The following ZBBX variants were observed in gnomAD, a reference collection of about 807,000 sequenced individuals.
ZBBX encodes the protein zinc finger B-box domain-containing protein 1.
Under a neutral mutation model 108.5 loss-of-function variants are expected in ZBBX, and 101 were observed. That is an observed-to-expected ratio of 0.93 (90% CI 0.79 to 1.10). The LOEUF is 1.10. Among genes scored for constraint, ZBBX ranks in the 50% least tolerant of loss-of-function variants. The pLI, the probability that ZBBX is intolerant of heterozygous loss-of-function variation, is 0.00. For missense variants in ZBBX, 1,009 were observed against 941.4 expected (o/e 1.07, Z -0.94); for synonymous variants, 356 against 323.4 (o/e 1.10, Z -1.08).
At chr3:167,181,058 A>G in the ZBBX span, among the ~76,000 whole-genome samples, 1 of 152,160 alleles carries the variant, frequency 6.6e-6, no homozygotes, top group Non-Finnish European at 1.5e-5. Context: ...CTATTGTTCT[A>G]TCCAAATTGG....
the ZBBX span, among the ~76,000 whole-genome samples, chr3:167,191,896 C>CATATATATATATATAT: frequency 7.7e-3 from 522 of 67,788 alleles, 30 homozygotes; most frequent in East Asian, 0.014. Context: ...TTACAAAAAT[C>CATATATATATATATAT]ATATATATAT....
chr3:167,184,177 T>G, the ZBBX span, among the ~76,000 whole-genome samples: 1 of 152,242 alleles, frequency 6.6e-6, no homozygotes, highest in Non-Finnish European at 1.5e-5. Context: ...AACTTTCATT[T>G]ATGCATATGT....
At chr3:167,272,361 G>C (rs907127882) in intron 20 of ZBBX, among the ~76,000 whole-genome samples, 3 of 152,116 alleles carry the variant, frequency 2.0e-5, no homozygotes, top group African/African-American at 7.2e-5. Flanking sequence ...TAGAGTTCCT[G>C]GTCCATTAGC....
At chr3:167,278,174 A>C (rs1728037896) in intron 20 of ZBBX, among the ~76,000 whole-genome samples, 1 of 125,918 alleles carries the variant, frequency 7.9e-6, no homozygotes. Flanking sequence ...ACACCCTAAC[A>C]TCACAATTAA....
chr3:167,223,034 A>G, the ZBBX span, among the ~76,000 whole-genome samples: 1 of 152,002 alleles, frequency 6.6e-6, no homozygotes, highest in Non-Finnish European at 1.5e-5. Context: ...ATGTCACGTA[A>G]TATCATATGT....
At position 167,304,571 on chromosome 3, in the gene ZBBX, G is replaced by A. The variant is rs866603440; in HGVS notation, c.1725+1072C>T. Among the ~76,000 whole-genome samples the A allele has an allele frequency of 2.6e-5, 4 of 152,114 alleles. No individual in the cohort carries two copies. The South Asian group carries it at 6.2e-4, about 24-fold the overall frequency. ...GATACATCAGGATATTAATAGGCAC[G>A]GATTAACAATAATGTTAATGTCTTG... On this transcript the variant is annotated intron_variant, in intron 17 of 21. Coordinates refer to ENST00000675490, the MANE Select transcript of ZBBX (RefSeq NM_001199201.2).
At chr3:167,279,247 G>A (rs1264607083) in intron 20 of ZBBX, among the ~76,000 whole-genome samples, 3 of 152,116 alleles carry the variant, frequency 2.0e-5, no homozygotes, top group Non-Finnish European at 4.4e-5. Flanking sequence ...TCCTGGCCAG[G>A]GCAATTAGGC....
the ZBBX span, among the ~76,000 whole-genome samples, chr3:167,186,978 T>C: frequency 2.0e-5 from 3 of 152,192 alleles, no homozygotes; most frequent in Non-Finnish European, 4.4e-5. Flanking sequence ...AAGCATCACC[T>C]GCAATAGGAA....
chr3:167,318,042 G>C (rs570799788), intron 12 of ZBBX, among the ~76,000 whole-genome samples: 1 of 151,956 alleles, frequency 6.6e-6, no homozygotes, highest in South Asian at 2.1e-4. Flanking sequence ...TGGTAACATA[G>C]GCTCCTACAA....
chr3:167,289,743 G>A (rs1274723695), intron 18 of ZBBX, among the ~76,000 whole-genome samples: 1 of 152,176 alleles, frequency 6.6e-6, no homozygotes, highest in African/African-American at 2.4e-5. Flanking sequence ...GAACATGAGT[G>A]AGACAGAAGC....
the ZBBX span, among the ~76,000 whole-genome samples, chr3:167,211,174 C>T: frequency 6.6e-6 from 1 of 152,152 alleles, no homozygotes; most frequent in Non-Finnish European, 1.5e-5. Flanking sequence ...CTTTCCCAGC[C>T]CAGGAAAGTG....
rs570794702 is a variant in ZBBX, at chr3:167,317,262, T to C, written c.1094-157A>G. On this transcript the variant is annotated intron_variant, in intron 13 of 21. Coordinates refer to ENST00000675490, the MANE Select transcript of ZBBX (RefSeq NM_001199201.2). ...TTTCCCAGTTCAAGTGAAATACACA[T>C]TTATTAGCATTCAATTTTTAAATGA... 1.1e-4 allele frequency among the ~76,000 whole-genome samples: 16 copies of C among 152,180 alleles called. No individual in the cohort carries two copies. In the East Asian group the frequency reaches 3.1e-3, roughly 29 times the overall value.
the ZBBX span, among the ~76,000 whole-genome samples, chr3:167,233,813 G>C: frequency 2.4e-4 from 36 of 150,084 alleles, no homozygotes; most frequent in Non-Finnish European, 2.9e-5. Flanking sequence ...TGGTTTTATA[G>C]CAAAAGGATG....
At chr3:167,331,328 T>G (rs1202316590) in intron 10 of ZBBX, among the ~76,000 whole-genome samples, 1 of 152,148 alleles carries the variant, frequency 6.6e-6, no homozygotes, top group Non-Finnish European at 1.5e-5. Context: ...AAATTTAGTT[T>G]AAAGATAGAG....
chr3:167,298,166 A>G (rs761608692), intron 18 of ZBBX, 139 bp downstream of exon 18: 15 of 563,968 alleles, frequency 2.7e-5, no homozygotes, highest in Non-Finnish European at 3.6e-5. Context: ...GTAACCTTAA[A>G]TGTAAATATA....
chr3:167,214,029 G>T, the ZBBX span, among the ~76,000 whole-genome samples: 5 of 152,112 alleles, frequency 3.3e-5, 1 homozygote, highest in Admixed American at 1.3e-4. Flanking sequence ...AAGAGATCTT[G>T]AAAGAAGCAC....
At chr3:167,246,741 C>A (rs1721634489) in intron 20 of ZBBX, among the ~76,000 whole-genome samples, 1 of 152,192 alleles carries the variant, frequency 6.6e-6, no homozygotes, top group Non-Finnish European at 1.5e-5. Context: ...CTTCAGGCTA[C>A]AGCAACATCC....
At chr3:167,301,223 G>A (rs1732615344) in intron 17 of ZBBX, among the ~76,000 whole-genome samples, 1 of 152,152 alleles carries the variant, frequency 6.6e-6, no homozygotes. Flanking sequence ...TATAAAAGAA[G>A]GAAAGGAACC....
At chr3:167,346,947 CAG>C (rs1362336475) in intron 9 of ZBBX, among the ~76,000 whole-genome samples, 2 of 151,818 alleles carry the variant, frequency 1.3e-5, no homozygotes, top group African/African-American at 4.8e-5. Flanking sequence ...GAAATGATGA[CAG>C]AGAATGGGCA....
Sources: gnomAD v4.1 joint callset for allele counts (sites outside exome capture counted in the v4.1 genomes callset) on GRCh38, gnomAD v4.1.1 for gene constraint, MANE v1.5 for transcripts, NCBI Gene and HGNC (gene_info 2026-07-23, HGNC 2026-07-21) for gene names.